Variants in LOC128706665 observed in about 807,000 individuals in gnomAD.
chr20:10,420,590 G>A, the LOC128706665 span: 1 of 152,194 alleles, frequency 6.6e-6, no homozygotes, highest in Non-Finnish European at 1.5e-5. Flanking sequence ...GAAAGTCCCA[G>A]ACTATCTTGC....
At chr20:10,422,290 T>C in the LOC128706665 span, among the ~76,000 whole-genome samples, 1 of 152,178 alleles carries the variant, frequency 6.6e-6, no homozygotes, top group Non-Finnish European at 1.5e-5. Context: ...TTTATGGCCT[T>C]TTCCTTTTCT....
At chr20:10,426,251 A>G in the LOC128706665 span, among the ~76,000 whole-genome samples, 1 of 152,214 alleles carries the variant, frequency 6.6e-6, no homozygotes, top group Non-Finnish European at 1.5e-5. Flanking sequence ...CTACTAAGCA[A>G]TTCTTCAAGT....
At chr20:10,432,369 A>C in the LOC128706665 span, among the ~76,000 whole-genome samples, 10 of 152,236 alleles carry the variant, frequency 6.6e-5, no homozygotes, top group African/African-American at 9.6e-5. Flanking sequence ...ATTCTCAGGA[A>C]ACCCAACCTA....
the LOC128706665 span, among the ~76,000 whole-genome samples, chr20:10,426,322 G>A: frequency 6.6e-6 from 1 of 152,184 alleles, no homozygotes; most frequent in South Asian, 2.1e-4. Flanking sequence ...GTGTGATCAC[G>A]GATGAGGGGA....
At chr20:10,421,057 T>C in the LOC128706665 span, among the ~76,000 whole-genome samples, 2 of 152,164 alleles carry the variant, frequency 1.3e-5, no homozygotes, top group Non-Finnish European at 1.5e-5. Context: ...CACACATGCA[T>C]GGAGTGTTCT....
At chr20:10,424,344 C>T in the LOC128706665 span, among the ~76,000 whole-genome samples, 6 of 152,008 alleles carry the variant, frequency 3.9e-5, no homozygotes, top group African/African-American at 1.4e-4. Context: ...CTGCTTGAGC[C>T]CATGAGTTCG....
chr20:10,428,664 C>A, the LOC128706665 span, among the ~76,000 whole-genome samples: 1 of 152,102 alleles, frequency 6.6e-6, no homozygotes, highest in South Asian at 2.1e-4. Flanking sequence ...GATGGTGAAA[C>A]CCCATTTCTA....
the LOC128706665 span, chr20:10,431,885 G>C: frequency 1.3e-5 from 2 of 152,136 alleles, no homozygotes; most frequent in African/African-American, 2.4e-5. Context: ...CCTACTCAGA[G>C]AGCCTTTCTC....
At chr20:10,417,829 C>A in the LOC128706665 span, among the ~76,000 whole-genome samples, 204 of 151,600 alleles carry the variant, frequency 1.3e-3, no homozygotes, top group African/African-American at 4.6e-3. Flanking sequence ...GATATAATTA[C>A]GAGATTACAG....
the LOC128706665 span, among the ~76,000 whole-genome samples, chr20:10,426,452 G>A: frequency 1.3e-5 from 2 of 152,212 alleles, no homozygotes; most frequent in Non-Finnish European, 2.9e-5. Flanking sequence ...GTTGCCCAAG[G>A]GGGAGCGTAG....
chr20:10,413,876 G>T, the LOC128706665 span: 3 of 424,396 alleles, frequency 7.1e-6, no homozygotes, highest in South Asian at 8.4e-5. Flanking sequence ...TAATCCAACT[G>T]GTATTTTTCA....
At chr20:10,419,660 G>GT in the LOC128706665 span, among the ~76,000 whole-genome samples, 1 of 152,162 alleles carries the variant, frequency 6.6e-6, no homozygotes. Context: ...GTGAAGTAAA[G>GT]TAACAGTTAC....
At chr20:10,431,364 C>G in the LOC128706665 span, among the ~76,000 whole-genome samples, 1 of 152,006 alleles carries the variant, frequency 6.6e-6, no homozygotes, top group Non-Finnish European at 1.5e-5. Context: ...TAATTCTATC[C>G]AAATGCTCAC....
At chr20:10,417,533 C>T in the LOC128706665 span, among the ~76,000 whole-genome samples, 63 of 152,224 alleles carry the variant, frequency 4.1e-4, no homozygotes, top group East Asian at 0.012. Context: ...ATGGCCTGTG[C>T]CCAAGAGTTT....
the LOC128706665 span, chr20:10,413,943 TA>T: frequency 1.7e-5 from 7 of 404,626 alleles, no homozygotes; most frequent in East Asian, 1.4e-4. Context: ...TAATAAATAA[TA>T]AAAAAAACAT....
chr20:10,431,115 G>A, the LOC128706665 span, among the ~76,000 whole-genome samples: 1 of 152,116 alleles, frequency 6.6e-6, no homozygotes, highest in Non-Finnish European at 1.5e-5. Flanking sequence ...TCAATACACG[G>A]CAGCCATTAC....
the LOC128706665 span, among the ~76,000 whole-genome samples, chr20:10,433,357 T>C: frequency 1.3e-5 from 2 of 152,222 alleles, no homozygotes; most frequent in Admixed American, 6.5e-5. Context: ...GCGGAACTCA[T>C]GGATAGGGAG....
chr20:10,419,683 G>A, the LOC128706665 span, among the ~76,000 whole-genome samples: 608 of 152,262 alleles, frequency 4.0e-3, 3 homozygotes, highest in African/African-American at 0.014. Flanking sequence ...GAACATAAGC[G>A]CGGAGATACC....
At chr20:10,433,738 ACAGT>A in the LOC128706665 span, among the ~76,000 whole-genome samples, 2 of 152,018 alleles carry the variant, frequency 1.3e-5, no homozygotes, top group Non-Finnish European at 2.9e-5. Flanking sequence ...CACCCTCCAG[ACAGT>A]CAGGGGCACA....
Sources: gnomAD v4.1 joint callset for allele counts (sites outside exome capture counted in the v4.1 genomes callset) on GRCh38, gnomAD v4.1.1 for gene constraint, MANE v1.5 for transcripts.